The following ARHGAP42 variants were observed in gnomAD, a reference collection of about 807,000 sequenced individuals.
ARHGAP42 encodes Rho GTPase activating protein 42, also known as rho GTPase-activating protein 42.
ARHGAP42 carries 63 observed loss-of-function variants against 125.0 expected under a neutral mutation model. The observed-to-expected ratio is 0.50, with a 90% CI of 0.41 to 0.62. The LOEUF (loss-of-function observed/expected upper bound fraction) is 0.62, where lower values mean the gene tolerates loss of function less well. Among genes scored for constraint, ARHGAP42 ranks in the 20% least tolerant of loss-of-function variants. The pLI, the probability that ARHGAP42 is intolerant of heterozygous loss-of-function variation, is 0.00. For missense variants in ARHGAP42, 766 were observed against 1,024.2 expected (o/e 0.75, Z 3.44); for synonymous variants, 339 against 351.0 (o/e 0.97, Z 0.38).
At chr11:100,869,512 A>C (rs1420863579) in intron 4 of ARHGAP42, among the ~76,000 whole-genome samples, 1 of 152,050 alleles carries the variant, frequency 6.6e-6, no homozygotes, top group Non-Finnish European at 1.5e-5. Context: ...AACAAACCAA[A>C]TGACATTTCC....
chr11:100,931,289 G>A (rs1435481072), intron 6 of ARHGAP42, among the ~76,000 whole-genome samples: 2 of 152,156 alleles, frequency 1.3e-5, no homozygotes, highest in African/African-American at 2.4e-5. Flanking sequence ...TCAAGCCATG[G>A]CATAGCAATT....
chr11:100,905,688 A>G lies in ARHGAP42; in HGVS notation c.385-7764A>G, dbSNP rs150960872. On this transcript the variant is annotated intron_variant, in intron 4 of 23. Coordinates refer to ENST00000298815, the MANE Select transcript of ARHGAP42 (RefSeq NM_152432.4). ...AGTACAAGGATATAATTACAAAACA[A>G]ATCTTGGACCGGACACAGTGGCTCA... Among the ~76,000 whole-genome samples, 1,174 of 152,206 alleles carry G rather than the reference A, an allele frequency of 7.7e-3. 17 individuals are homozygous for G. The highest frequency in any genetic ancestry group is 0.026 in the African/African-American group (1,093 of 41,528).
intron 3 of ARHGAP42, among the ~76,000 whole-genome samples, chr11:100,799,473 A>G (rs371097117): frequency 1.3e-5 from 2 of 152,318 alleles, no homozygotes; most frequent in East Asian, 3.9e-4. Flanking sequence ...TCCTTACTCT[A>G]CCTATGTGAA....
intron 3 of ARHGAP42, 126 bp downstream of exon 3, chr11:100,795,292 C>T (rs979540857): frequency 2.0e-5 from 12 of 590,638 alleles, no homozygotes; most frequent in Non-Finnish European, 8.2e-6. Context: ...CTAATTTTTA[C>T]ATGTATTTTT....
chr11:100,800,114 A>G (rs1863816511), intron 3 of ARHGAP42, among the ~76,000 whole-genome samples: 1 of 152,210 alleles, frequency 6.6e-6, no homozygotes, highest in Admixed American at 6.5e-5. Flanking sequence ...TTTTCTAGGA[A>G]TACCCAATAC....
chr11:100,791,578 A>C (rs977637400), intron 2 of ARHGAP42, among the ~76,000 whole-genome samples: 4 of 152,176 alleles, frequency 2.6e-5, no homozygotes, highest in Non-Finnish European at 2.9e-5. Context: ...AATGACAAAC[A>C]TGAGTGTCTT....
chr11:100,781,084 T>C (rs1448076373), intron 2 of ARHGAP42, among the ~76,000 whole-genome samples: 7 of 152,164 alleles, frequency 4.6e-5, no homozygotes, highest in Admixed American at 4.6e-4. Flanking sequence ...TTTGTGGAGT[T>C]TCTCTAACTT....
At chr11:100,734,535 C>T (rs1862025667) in intron 1 of ARHGAP42, among the ~76,000 whole-genome samples, 1 of 152,186 alleles carries the variant, frequency 6.6e-6, no homozygotes, top group African/African-American at 2.4e-5. Flanking sequence ...CCCTACTTGG[C>T]CTCCCAAAGT....
intron 4 of ARHGAP42, among the ~76,000 whole-genome samples, chr11:100,875,529 G>T (rs993072490): frequency 6.6e-6 from 1 of 152,178 alleles, no homozygotes; most frequent in South Asian, 2.1e-4. Flanking sequence ...ACTGACACTG[G>T]GGGGAGGGTT....
Position 100,976,332 on chromosome 11 carries a change from G to A in ARHGAP42, c.2131G>A (p.Gly711Arg). 6.4e-7 allele frequency: 1 copy of A among 1,551,700 alleles called. No individual in the cohort carries two copies. Among genetic ancestry groups the A allele is most frequent in the Non-Finnish European group, 8.7e-7 (1 of 1,146,800 alleles). ...GAGTGTTGCTTCAGTCACTAGCCCA[G>A]GAGACGTTTCCCCACCCATAGACCT... ...CQSVASVTSP[G>R]DVSPPIDLVK... is the part of the protein sequence containing the mutation. The change falls in exon 20 of 24, where the codon GGA becomes AGA. Residue 711 changes from glycine (G) to arginine (R), a missense_variant. Coordinates refer to ENST00000298815, the MANE Select transcript of ARHGAP42 (RefSeq NM_152432.4).
chr11:100,965,913 G>C, intron 17 of ARHGAP42, 137 bp downstream of exon 17: 1 of 746,720 alleles, frequency 1.3e-6, no homozygotes, highest in African/African-American at 1.8e-5. Flanking sequence ...AAAATAGTAT[G>C]GCAGTTTGTT....
At chr11:100,733,872 A>T (rs1406500995) in intron 1 of ARHGAP42, among the ~76,000 whole-genome samples, 1 of 146,866 alleles carries the variant, frequency 6.8e-6, no homozygotes, top group Admixed American at 6.8e-5. Context: ...TATACAAATT[A>T]GATACAGTTG....
chr11:100,782,152 A>G (rs1863330556), intron 2 of ARHGAP42, among the ~76,000 whole-genome samples: 1 of 152,214 alleles, frequency 6.6e-6, no homozygotes, highest in Non-Finnish European at 1.5e-5. Flanking sequence ...AGAATATTAT[A>G]GAAGACTTTG....
rs377734847 is a variant in ARHGAP42 at position 100,737,292 on chromosome 11, C to T, written c.155-33051C>T. On this transcript the variant is annotated intron_variant, in intron 1 of 23. Transcript: ENST00000298815. ...CATTCCCACATGAATACAAATGAAG[C>T]AAGTCCCTTAATCTCACTTAGGATT... Among the ~76,000 whole-genome samples, 29 of 152,238 alleles carry T rather than the reference C, an allele frequency of 1.9e-4. 2 individuals carry two copies. In the South Asian group the frequency reaches 5.8e-3, roughly 30 times the overall value.
chr11:100,973,087 T>A, intron 17 of ARHGAP42, 88 bp from the exon 18 acceptor site: 1 of 1,235,028 alleles, frequency 8.1e-7, no homozygotes, highest in Non-Finnish European at 1.1e-6. Flanking sequence ...ATATTTTACA[T>A]TTTTTGCACC....
chr11:100,989,227 AT>A lies in ARHGAP42; in HGVS notation c.*428del. ...ATTGTTACTTAAAAATGTAATTTAA[AT>A]TGTTCATTTATTGTTTTTTTTTTCT... On this transcript the variant is annotated 3_prime_UTR_variant, in exon 24 of 24. Coordinates refer to ENST00000298815, the MANE Select transcript of ARHGAP42 (RefSeq NM_152432.4). The A allele has an allele frequency of 2.5e-6, 1 of 397,190 alleles. No homozygotes were observed. Among genetic ancestry groups the A allele is most frequent in the Non-Finnish European group, 4.4e-6 (1 of 225,364 alleles). 24.6% of individuals were successfully genotyped at this position (397,190 alleles called of 1,614,324 possible). A position where few individuals can be genotyped will look rare whatever the true frequency, so the allele number is the denominator to read the frequency against.
At chr11:100,908,327 G>A (rs552041911) in intron 4 of ARHGAP42, among the ~76,000 whole-genome samples, 17 of 152,092 alleles carry the variant, frequency 1.1e-4, no homozygotes, top group Non-Finnish European at 2.2e-4. Flanking sequence ...TGTGTATTCC[G>A]GGGTTTTAGT....
At position 100,783,368 on chromosome 11, in the gene ARHGAP42, G is replaced by A. The variant is rs530521209; in HGVS notation, c.251-11737G>A. ...GGAGGATCACCTTAGCCCAGAAGGC[G>A]GAGGCTGCAGTGAGCTGAGATCACA... On this transcript the variant is annotated intron_variant, in intron 2 of 23. Transcript: ENST00000298815. Among the ~76,000 whole-genome samples, 6 of 152,278 alleles carry A rather than the reference G, an allele frequency of 3.9e-5. 1 individual carries two copies. The East Asian group carries it at 9.6e-4, about 24-fold the overall frequency.
intron 4 of ARHGAP42, among the ~76,000 whole-genome samples, chr11:100,884,394 G>A (rs759091778): frequency 6.6e-6 from 1 of 152,122 alleles, no homozygotes; most frequent in South Asian, 2.1e-4. Context: ...TGAGGTCTTG[G>A]TGTAGCATTC....
Sources: allele counts gnomAD v4.1 joint callset (sites outside exome capture counted in the v4.1 genomes callset), GRCh38; gene constraint gnomAD v4.1.1; transcripts MANE v1.5; gene names NCBI Gene and HGNC (gene_info 2026-07-23, HGNC 2026-07-21).